Variants in RBMS3 observed in about 807,000 individuals in gnomAD.
RBMS3 encodes the protein RNA binding motif single stranded interacting protein 3, also known as RNA-binding motif, single-stranded-interacting protein 3.
In RBMS3, 27 loss-of-function variants were observed where a neutral mutation model predicts 66.8. The observed-to-expected ratio is 0.40, with a 90% CI of 0.30 to 0.56. RBMS3 has a LOEUF of 0.56. Among genes scored for constraint, RBMS3 ranks in the 20% least tolerant of loss-of-function variants. RBMS3 has a pLI of 0.40. For missense variants in RBMS3, 513 were observed against 549.5 expected (o/e 0.93, Z 0.66); for synonymous variants, 188 against 183.0 (o/e 1.03, Z -0.22).
chr3:29,887,686 A>G (rs889324693), intron 8 of RBMS3, among the ~76,000 whole-genome samples: 9 of 151,812 alleles, frequency 5.9e-5, no homozygotes, highest in Admixed American at 2.6e-4. Context: ...TGCCTGATTA[A>G]TGTCTCACTA....
intron 7 of RBMS3, among the ~76,000 whole-genome samples, chr3:29,869,701 A>G (rs2059444720): frequency 6.6e-6 from 1 of 152,152 alleles, no homozygotes; most frequent in African/African-American, 2.4e-5. Context: ...GGAAAAGGTG[A>G]CTGAGCTTCC....
intron 3 of RBMS3, among the ~76,000 whole-genome samples, chr3:29,574,035 T>A (rs2047027567): frequency 6.6e-6 from 1 of 152,196 alleles, no homozygotes; most frequent in Non-Finnish European, 1.5e-5. Flanking sequence ...TGTATTCTGT[T>A]GTCTCTGGAT....
chr3:29,438,099 A>G (rs2041473718), intron 2 of RBMS3, among the ~76,000 whole-genome samples: 1 of 150,926 alleles, frequency 6.6e-6, no homozygotes, highest in African/African-American at 2.4e-5. Flanking sequence ...TTACCATTTT[A>G]CATTAACAGT....
chr3:29,758,547 G>T (rs1294902971), intron 5 of RBMS3, among the ~76,000 whole-genome samples: 1 of 152,108 alleles, frequency 6.6e-6, no homozygotes, highest in Non-Finnish European at 1.5e-5. Flanking sequence ...AAAATTTCTG[G>T]TTTCTACAAA....
chr3:29,808,798 C>G (rs111934355), intron 6 of RBMS3, among the ~76,000 whole-genome samples: 2 of 151,764 alleles, frequency 1.3e-5, no homozygotes, highest in African/African-American at 4.8e-5. Flanking sequence ...ATAGGAAAAG[C>G]CTTAGAAATG....
At chr3:29,469,827 C>T (rs2042660428) in intron 2 of RBMS3, among the ~76,000 whole-genome samples, 1 of 150,948 alleles carries the variant, frequency 6.6e-6, no homozygotes, top group African/African-American at 2.4e-5. Flanking sequence ...AAGTTCACAA[C>T]TAAGCCATGT....
intron 2 of RBMS3, among the ~76,000 whole-genome samples, chr3:29,486,499 G>C (rs537642423): frequency 6.6e-6 from 1 of 152,100 alleles, no homozygotes; most frequent in Non-Finnish European, 1.5e-5. Context: ...TTTGGACTCT[G>C]TGTGTGATTT....
chr3:29,835,154 C>G (rs938465850), intron 6 of RBMS3, among the ~76,000 whole-genome samples: 5 of 151,958 alleles, frequency 3.3e-5, no homozygotes, highest in Non-Finnish European at 7.4e-5. Flanking sequence ...ATTAACAGAG[C>G]TAAATGCAGA....
intron 6 of RBMS3, among the ~76,000 whole-genome samples, chr3:29,783,372 A>G (rs1474695698): frequency 1.3e-5 from 2 of 152,322 alleles, no homozygotes; most frequent in Admixed American, 6.5e-5. Flanking sequence ...CCTACCCGCT[A>G]GAAGGGATTG....
chr3:29,578,436 A>T, intron 3 of RBMS3, among the ~76,000 whole-genome samples: 1 of 152,198 alleles, frequency 6.6e-6, no homozygotes, highest in East Asian at 1.9e-4. Context: ...GATGGAGAAA[A>T]GTAATCTGGA....
intron 1 of RBMS3, among the ~76,000 whole-genome samples, chr3:29,418,704 T>C (rs1326681841): frequency 6.6e-6 from 1 of 152,124 alleles, no homozygotes; most frequent in Non-Finnish European, 1.5e-5. Context: ...CTCTAGAGGG[T>C]GCCTATTTTC....
intron 4 of RBMS3, among the ~76,000 whole-genome samples, chr3:29,669,589 G>C (rs576909520): frequency 6.6e-6 from 1 of 152,164 alleles, no homozygotes; most frequent in Admixed American, 6.5e-5. Context: ...GTGACTGGTA[G>C]ATAAAAATTA....
In RBMS3 at chr3:29,933,637, G is replaced by T. The variant is rs13317663; in HGVS notation, c.940-2449G>T. On this transcript the variant is annotated intron_variant, in intron 10 of 14. Transcript: ENST00000383767. Reference sequence around the variant, plus strand: ...TAGATTCTTACATATCCTTCCCCAAGAATCCTTATTTTATTTTTTATTTAT... The same window carrying T: ...TAGATTCTTACATATCCTTCCCCAATAATCCTTATTTTATTTTTTATTTAT... Among the ~76,000 whole-genome samples the T allele has an allele frequency of 7.4e-3, 1,120 of 152,114 alleles. 16 individuals carry two copies. Among genetic ancestry groups the T allele is most frequent in the African/African-American group, 0.026 (1,067 of 41,508 alleles).
intron 3 of RBMS3, among the ~76,000 whole-genome samples, chr3:29,521,673 T>C (rs78207121): frequency 0.016 from 2,387 of 152,364 alleles, 25 homozygotes; most frequent in Admixed American, 0.035. Context: ...GTGTTCAGCC[T>C]GTTCTTACCT....
At chr3:29,661,868 A>G (rs1349006325) in intron 4 of RBMS3, among the ~76,000 whole-genome samples, 1 of 152,074 alleles carries the variant, frequency 6.6e-6, no homozygotes, top group African/African-American at 2.4e-5. Context: ...GATGCCCCCA[A>G]CTTAGTGAAG....
At position 29,755,808 on chromosome 3, in the gene RBMS3, A is replaced by G. The variant is rs142943127; in HGVS notation, c.558-7102A>G. The stretch of plus-strand genomic sequence containing the variant: ...TTCAAGCTTCCATAGGCAGAACCCA[A>G]TGGAAAACCAGTAAACAAAAGAACT... On this transcript the variant is annotated intron_variant, in intron 5 of 14. Coordinates refer to ENST00000383767, the MANE Select transcript of RBMS3 (RefSeq NM_001003793.3). Among the ~76,000 whole-genome samples the G allele has an allele frequency of 7.5e-3, 1,140 of 152,330 alleles. 51 individuals carry two copies. The highest frequency in any genetic ancestry group is 0.068 in the Admixed American group (1,038 of 15,298).
intron 1 of RBMS3, among the ~76,000 whole-genome samples, chr3:29,389,938 G>T (rs1409038462): frequency 6.6e-6 from 1 of 152,112 alleles, no homozygotes; most frequent in Non-Finnish European, 1.5e-5. Flanking sequence ...GTGGAAAAAA[G>T]GGTAAGGGAC....
At chr3:30,000,553 G>A (rs918360632) in intron 14 of RBMS3, among the ~76,000 whole-genome samples, 3 of 152,098 alleles carry the variant, frequency 2.0e-5, no homozygotes, top group South Asian at 4.1e-4. Flanking sequence ...ATACCCAAAG[G>A]ATTATAAATC....
At chr3:29,287,485 G>T (rs886155744) in intron 1 of RBMS3, among the ~76,000 whole-genome samples, 2 of 151,970 alleles carry the variant, frequency 1.3e-5, no homozygotes, top group African/African-American at 4.8e-5. Flanking sequence ...GGCAAAATAG[G>T]TGGCAGTATA....
Sources: allele counts gnomAD v4.1 joint callset (sites outside exome capture counted in the v4.1 genomes callset), GRCh38; gene constraint gnomAD v4.1.1; transcripts MANE v1.5; gene names NCBI Gene and HGNC (gene_info 2026-07-23, HGNC 2026-07-21).